The following IFI27 variants were observed in gnomAD, a reference collection of about 807,000 sequenced individuals.
IFI27 encodes the protein interferon alpha-inducible protein 27, mitochondrial.
A neutral mutation model predicts 8.9 loss-of-function variants in IFI27; 3 were observed. The observed-to-expected ratio is 0.34, with a 90% CI of 0.15 to 0.87. The LOEUF (loss-of-function observed/expected upper bound fraction) is 0.87, where lower values mean the gene tolerates loss of function less well. Ranked by LOEUF, IFI27 falls within the 40% of genes least tolerant of loss-of-function variation. The pLI is 0.51. For missense variants in IFI27, 152 were observed against 157.7 expected (o/e 0.96, Z 0.19); for synonymous variants, 66 against 67.3 (o/e 0.98, Z 0.09).
Position 94,111,974 on chromosome 14 carries a change from A to G in IFI27, c.91+201A>G. 1.6e-6 allele frequency: 1 copy of G among 620,606 alleles called. No individual in the cohort carries two copies. The highest frequency in any genetic ancestry group is 2.9e-6 in the Non-Finnish European group (1 of 346,188). 38.4% of individuals were successfully genotyped at this position (620,606 alleles called of 1,614,324 possible). A position where few individuals can be genotyped will look rare whatever the true frequency, so the allele number is the denominator to read the frequency against. On this transcript the variant is annotated intron_variant, in intron 2 of 4. Transcript: ENST00000621160. The surrounding 1 kb of genome is among the most constrained non-coding windows in gnomAD (Gnocchi z 4.3). ...GCAGGCAGACTCTGGCCAGATGCCC[A>G]GCCCTGGGTGTTCCACAGGTCCTCT...
At chr14:94,110,986 C>T (rs1418119037) in intron 1 of IFI27, 189 bp downstream of exon 1, 1 of 154,420 alleles carries the variant, frequency 6.5e-6, no homozygotes, top group African/African-American at 2.4e-5. Flanking sequence ...AATGTAAGGA[C>T]AATTAGCTTT....
chr14:94,115,264 A>T (rs1045339588), intron 3 of IFI27: 3 of 556,278 alleles, frequency 5.4e-6, no homozygotes, highest in Non-Finnish European at 1.0e-5. Flanking sequence ...AACAATAGAG[A>T]TTGAACACAG....
At chr14:94,112,891 G>C (rs1408076543) in intron 2 of IFI27, 1 of 152,270 alleles carries the variant, frequency 6.6e-6, no homozygotes, top group Admixed American at 6.5e-5. Context: ...GCAAGGGCCT[G>C]GGCCACGCCC....
upstream of IFI27, among the ~76,000 whole-genome samples, chr14:94,106,674 A>G (rs919716007): frequency 6.6e-6 from 1 of 152,212 alleles, no homozygotes; most frequent in Non-Finnish European, 1.5e-5. Flanking sequence ...CTTTATAAAG[A>G]AAAGAGGTGT....
chr14:94,112,999 G>A (rs953171907), intron 2 of IFI27: 1 of 152,204 alleles, frequency 6.6e-6, no homozygotes, highest in Non-Finnish European at 1.5e-5. Context: ...TTAAGCAAGC[G>A]CTTTTATGTT....
chr14:94,107,261 G>C (rs1394297948), upstream of IFI27, among the ~76,000 whole-genome samples: 2 of 152,142 alleles, frequency 1.3e-5, no homozygotes, highest in Non-Finnish European at 2.9e-5. Flanking sequence ...AATAGAGACA[G>C]GGTTTCACCA....
chr14:94,111,753 C>T lies in IFI27; in HGVS notation c.71C>T (p.Ser24Phe). ...AAAGTGGTCAGGGTGGCCTCTGGCT[C>T]TGCCGTAGTTTTGCCCCTGGGTGAG... Residue 24 changes from serine to phenylalanine, a missense_variant, in exon 2 of 5, where the codon TCT (serine) becomes TTT (phenylalanine). By Grantham distance (155) the Ser-to-Phe change is radical. Transcript: ENST00000621160. This position sits in a 1 kb window ranked among gnomAD's most constrained non-coding sequence, Gnocchi z 4.3. 7 of 1,614,136 alleles carry T rather than the reference C, an allele frequency of 4.3e-6. No individual in the cohort carries two copies. In the South Asian group the frequency reaches 7.7e-5, roughly 18 times the overall value.
At chr14:94,112,851 C>T (rs1220833511) in intron 2 of IFI27, 1 of 152,292 alleles carries the variant, frequency 6.6e-6, no homozygotes, top group Non-Finnish European at 1.5e-5. Context: ...TCTGGGCTCC[C>T]AACTCAGTAC....
At chr14:94,114,743 C>A in intron 2 of IFI27, 108 bp from the exon 3 acceptor site, 1 of 1,179,500 alleles carries the variant, frequency 8.5e-7, no homozygotes, top group East Asian at 2.4e-5. Context: ...CTTCTTGTGG[C>A]TCCCAACCTG....
At chr14:94,114,133 A>C (rs1415233971) in intron 2 of IFI27, 1 of 152,276 alleles carries the variant, frequency 6.6e-6, no homozygotes, top group Non-Finnish European at 1.5e-5. Flanking sequence ...AATGGCATGG[A>C]CCTTGAAGAG....
intron 2 of IFI27, chr14:94,113,597 G>C (rs572091992): frequency 1.3e-5 from 2 of 152,344 alleles, no homozygotes; most frequent in South Asian, 2.1e-4. Context: ...TAATGGCCAG[G>C]CTACTCCGCC....
chr14:94,111,832 G>T lies in IFI27; in HGVS notation c.91+59G>T. The T allele has an allele frequency of 7.5e-7, 1 of 1,325,384 alleles. No homozygotes were observed. Among genetic ancestry groups the T allele is most frequent in the South Asian group, 1.2e-5 (1 of 85,274 alleles). 82.1% of individuals were successfully genotyped at this position (1,325,384 alleles called of 1,614,324 possible). ...CGAGGAGGCGGCTGGGAAGGGCGGG[G>T]GTCCTGTCCCGGGACCCGTGGGAGA... On this transcript the variant is annotated intron_variant, in intron 2 of 4. Transcript: ENST00000621160. This position sits in a 1 kb window ranked among gnomAD's most constrained non-coding sequence, Gnocchi z 4.3.
upstream of IFI27, among the ~76,000 whole-genome samples, chr14:94,108,627 G>A (rs574211285): frequency 1.3e-4 from 20 of 152,198 alleles, no homozygotes; most frequent in African/African-American, 4.1e-4. Flanking sequence ...CTGCCTCCCC[G>A]GGGGCCCTTC....
At position 94,116,245 on chromosome 14, in the gene IFI27, C is replaced by T; in HGVS notation, c.284-197C>T. The T allele has an allele frequency of 1.5e-6, 1 of 647,488 alleles. No individual in the cohort carries two copies. Among genetic ancestry groups the T allele is most frequent in the Non-Finnish European group, 2.8e-6 (1 of 359,534 alleles). 40.1% of individuals were successfully genotyped at this position (647,488 alleles called of 1,614,324 possible). On this transcript the variant is annotated intron_variant, in intron 4 of 4. Transcript: ENST00000621160. This position sits in a 1 kb window ranked among gnomAD's most constrained non-coding sequence, Gnocchi z 4.3. ...GGCTGCTTCTAGCTCTGGAGTTCAC[C>T]ATGGGGGTTCATGCCTGCAGCAGCC...
Position 94,111,271 on chromosome 14 carries a change from A to T in IFI27, c.-58-354A>T, listed in dbSNP as rs898235291. Among the ~76,000 whole-genome samples the T allele has an allele frequency of 6.6e-6, 1 of 152,188 alleles. No individual in the cohort carries two copies. Among genetic ancestry groups the T allele is most frequent in the African/African-American group, 2.4e-5 (1 of 41,440 alleles). On this transcript the variant is annotated intron_variant, in intron 1 of 4. Coordinates refer to ENST00000621160, the Ensembl canonical transcript of IFI27. The surrounding 1 kb of genome is among the most constrained non-coding windows in gnomAD (Gnocchi z 4.3). ...GCACCTCGCCTGCTGTATATGCCTT[A>T]AAAATGCGATTGGTTCTGATTTCTT...
upstream of IFI27, among the ~76,000 whole-genome samples, chr14:94,110,105 C>T (rs111491063): frequency 0.015 from 2,229 of 152,338 alleles, 63 homozygotes; most frequent in African/African-American, 0.05. Context: ...TCCTGCCACA[C>T]GGGCTCTGCC....
Position 94,116,417 on chromosome 14 carries a change from C to T in IFI27, c.284-25C>T. ...GCTTCCCCGACAGGCATGTCCCACT[C>T]TGTCCACCCTCTGCTTCTTCCCAGG... On this transcript the variant is annotated intron_variant, in intron 4 of 4. Transcript: ENST00000621160. The surrounding 1 kb of genome is among the most constrained non-coding windows in gnomAD (Gnocchi z 4.3). 2 of 1,564,860 alleles carry T rather than the reference C, an allele frequency of 1.3e-6. No individual in the cohort carries two copies. The highest frequency in any genetic ancestry group is 1.8e-6 in the Non-Finnish European group (2 of 1,139,954).
chr14:94,113,735 G>C (rs919265023), intron 2 of IFI27: 2 of 152,178 alleles, frequency 1.3e-5, no homozygotes, highest in Non-Finnish European at 2.9e-5. Flanking sequence ...CACCTCTCTT[G>C]CCTGCCAATA....
Position 94,111,253 on chromosome 14 carries a change from G to A in IFI27, c.-58-372G>A, listed in dbSNP as rs1422225436. ...GAGATTACATAAGAGCAGGCACCTC[G>A]CCTGCTGTATATGCCTTAAAAATGC... On this transcript the variant is annotated intron_variant, in intron 1 of 4. Coordinates refer to ENST00000621160, the Ensembl canonical transcript of IFI27. This position sits in a 1 kb window ranked among gnomAD's most constrained non-coding sequence, Gnocchi z 4.3. 2.0e-5 allele frequency among the ~76,000 whole-genome samples: 3 copies of A among 152,150 alleles called. No homozygotes were observed. The highest frequency in any genetic ancestry group is 2.1e-4 in the South Asian group (1 of 4,834).
Sources: allele counts gnomAD v4.1 joint callset (sites outside exome capture counted in the v4.1 genomes callset), GRCh38; gene constraint gnomAD v4.1.1; non-coding constraint Gnocchi (gnomAD v3.1); transcripts MANE v1.5; gene names NCBI Gene and HGNC (gene_info 2026-07-23, HGNC 2026-07-21).